FER: variants seen among roughly 807,000 people sequenced by gnomAD.
FER encodes the protein tyrosine-protein kinase Fer.
FER carries 63 observed loss-of-function variants against 111.0 expected under a neutral mutation model. The ratio of observed to expected loss-of-function variants is 0.57; its 90% CI spans 0.46 to 0.70. The LOEUF (loss-of-function observed/expected upper bound fraction) is 0.70, where lower values mean the gene tolerates loss of function less well. Among genes scored for constraint, FER ranks in the 30% least tolerant of loss-of-function variants. The probability of loss-of-function intolerance (pLI) is 0.00; values close to 1 mark genes in which losing one functional copy is unlikely to be tolerated. For synonymous variants in FER, 327 were observed against 313.9 expected (o/e 1.04, Z -0.44); for missense variants, 914 against 954.0 (o/e 0.96, Z 0.55).
At chr5:109,016,307 C>T (rs560420544) in intron 13 of FER, among the ~76,000 whole-genome samples, 3 of 151,896 alleles carry the variant, frequency 2.0e-5, no homozygotes, top group East Asian at 1.9e-4. Context: ...GATGACAAGG[C>T]CAGGTGACAG....
intron 1 of FER, among the ~76,000 whole-genome samples, chr5:108,764,405 A>G (rs1214115875): frequency 2.0e-5 from 3 of 151,918 alleles, no homozygotes; most frequent in Non-Finnish European, 4.4e-5. Context: ...TTATTTATTT[A>G]TTTATTTTTG....
intron 16 of FER, among the ~76,000 whole-genome samples, chr5:109,059,811 A>G (rs1009377311): frequency 1.3e-5 from 2 of 152,226 alleles, no homozygotes; most frequent in South Asian, 2.1e-4. Context: ...CATATGACCT[A>G]AGAATTCCAC....
chr5:108,874,150 C>T (rs1764871406), intron 8 of FER, among the ~76,000 whole-genome samples: 1 of 151,920 alleles, frequency 6.6e-6, no homozygotes, highest in African/African-American at 2.4e-5. Context: ...TTAATAAACA[C>T]CAGAAAGAGT....
At chr5:109,114,887 C>A (rs1427722207) in intron 17 of FER, among the ~76,000 whole-genome samples, 2 of 151,938 alleles carry the variant, frequency 1.3e-5, no homozygotes, top group East Asian at 3.9e-4. Context: ...TGTATTATAT[C>A]CTGTTATCTT....
intron 3 of FER, among the ~76,000 whole-genome samples, chr5:108,802,564 T>C (rs1245999108): frequency 1.3e-5 from 2 of 152,030 alleles, no homozygotes; most frequent in Admixed American, 1.3e-4. Flanking sequence ...TATATCCTTG[T>C]GTACCCAATG....
chr5:109,073,745 C>T (rs1464202671), intron 16 of FER, among the ~76,000 whole-genome samples: 4 of 151,878 alleles, frequency 2.6e-5, no homozygotes. Context: ...TGCAGTGGGC[C>T]CTGCAGAACC....
intron 13 of FER, among the ~76,000 whole-genome samples, chr5:108,986,438 T>C (rs1383800464): frequency 6.6e-6 from 1 of 152,172 alleles, no homozygotes; most frequent in Non-Finnish European, 1.5e-5. Flanking sequence ...GTGCAGAAGC[T>C]TTTTCATTTA....
At chr5:109,059,832 C>T (rs1774150039) in intron 16 of FER, among the ~76,000 whole-genome samples, 1 of 152,102 alleles carries the variant, frequency 6.6e-6, no homozygotes, top group African/African-American at 2.4e-5. Flanking sequence ...TACTAGGCAT[C>T]TACATAAGAG....
intron 5 of FER, among the ~76,000 whole-genome samples, chr5:108,844,061 T>TGTGTGTGAAC (rs1561500033): frequency 4.4e-5 from 4 of 89,986 alleles, no homozygotes; most frequent in Non-Finnish European, 7.3e-5. Context: ...TGTGTGAACA[T>TGTGTGTGAAC]ATATATGTGT....
chr5:109,147,014 A>G (rs142273565), intron 17 of FER, among the ~76,000 whole-genome samples: 4 of 152,212 alleles, frequency 2.6e-5, no homozygotes, highest in African/African-American at 7.2e-5. Flanking sequence ...AATACAGAAT[A>G]TATGTGATAA....
intron 16 of FER, among the ~76,000 whole-genome samples, chr5:109,086,301 T>G (rs776223569): frequency 6.6e-6 from 1 of 151,656 alleles, no homozygotes; most frequent in Non-Finnish European, 1.5e-5. Context: ...TTGTCAAGTG[T>G]ATGCCATAAG....
At chr5:108,755,600 C>T (rs947796149) in intron 1 of FER, among the ~76,000 whole-genome samples, 7 of 152,062 alleles carry the variant, frequency 4.6e-5, no homozygotes, top group African/African-American at 1.7e-4. Flanking sequence ...ATTCTCCTGC[C>T]TCAGCCTCCC....
intron 16 of FER, among the ~76,000 whole-genome samples, chr5:109,086,487 A>T (rs1289585004): frequency 6.6e-6 from 1 of 151,622 alleles, no homozygotes; most frequent in African/African-American, 2.4e-5. Flanking sequence ...CTATTAAACA[A>T]CTTTTAGCTT....
intron 10 of FER, among the ~76,000 whole-genome samples, chr5:108,939,107 A>G (rs1423039141): frequency 2.6e-5 from 4 of 152,044 alleles, no homozygotes; most frequent in Non-Finnish European, 2.9e-5. Context: ...GGGTTTTTCC[A>G]TACTTTTGAG....
intron 3 of FER, among the ~76,000 whole-genome samples, chr5:108,821,905 A>G (rs1758887680): frequency 6.6e-6 from 1 of 152,082 alleles, no homozygotes; most frequent in Non-Finnish European, 1.5e-5. Flanking sequence ...GTGTATAATA[A>G]ATTATTATTA....
At chr5:108,789,548 A>G (rs1008753767) in intron 2 of FER, among the ~76,000 whole-genome samples, 2 of 152,152 alleles carry the variant, frequency 1.3e-5, no homozygotes, top group Non-Finnish European at 2.9e-5. Flanking sequence ...ATTTGCAATA[A>G]CAACAACAAA....
intron 13 of FER, among the ~76,000 whole-genome samples, chr5:108,973,022 T>C (rs1455343910): frequency 6.6e-6 from 1 of 152,204 alleles, no homozygotes. Context: ...TATTTTATAC[T>C]ACGGCAAACT....
At position 108,971,272 on chromosome 5, in the gene FER, C is replaced by CAAA. The variant is rs201694196; in HGVS notation, c.1656+11947_1656+11949dup. Among the ~76,000 whole-genome samples the CAAA allele has an allele frequency of 1.2e-3, 92 of 76,084 alleles. 1 individual carries two copies. The highest frequency in any genetic ancestry group is 1.7e-3 in the African/African-American group (42 of 24,654). 49.9% of individuals were successfully genotyped at this position (76,084 alleles called of 152,430 possible). On this transcript the variant is annotated intron_variant, in intron 13 of 19. Transcript: ENST00000281092. Reference sequence around the variant, plus strand: ...GATGGAGGATCACTTGAACCTGTCTCAAAAAAAAAAAAAAAAAAAAAAAAC... The same window carrying CAAA: ...GATGGAGGATCACTTGAACCTGTCTCAAAAAAAAAAAAAAAAAAAAAAAAAAAC...
intron 5 of FER, among the ~76,000 whole-genome samples, chr5:108,861,964 T>C (rs1763565252): frequency 6.6e-6 from 1 of 152,176 alleles, no homozygotes; most frequent in Non-Finnish European, 1.5e-5. Context: ...TGTTTTTACC[T>C]GCAAGGGAAG....
Sources: allele counts gnomAD v4.1 joint callset (sites outside exome capture counted in the v4.1 genomes callset), GRCh38; gene constraint gnomAD v4.1.1; transcripts MANE v1.5; gene names NCBI Gene and HGNC (gene_info 2026-07-23, HGNC 2026-07-21).